Variants in DOCK9 observed in about 807,000 individuals in gnomAD.
DOCK9 encodes the protein dedicator of cytokinesis protein 9.
DOCK9 carries 89 observed loss-of-function variants against 263.3 expected under a neutral mutation model. The observed-to-expected ratio is 0.34, with a 90% CI of 0.28 to 0.40. The LOEUF (loss-of-function observed/expected upper bound fraction) is 0.40, where lower values mean the gene tolerates loss of function less well. DOCK9 is among the 10% of genes least tolerant of loss of function. DOCK9 has a pLI of 1.00. For synonymous variants in DOCK9, 976 were observed against 973.1 expected (o/e 1.00, Z -0.06); for missense variants, 2,140 against 2,603.4 (o/e 0.82, Z 3.87).
At chr13:98,851,614 G>A (rs1420634436) in intron 35 of DOCK9, among the ~76,000 whole-genome samples, 4 of 152,206 alleles carry the variant, frequency 2.6e-5, no homozygotes, top group African/African-American at 9.6e-5. Context: ...GGCACAAGAA[G>A]GACAGCAAGG....
chr13:99,023,979 A>G lies in DOCK9; in HGVS notation c.129+62244T>C, dbSNP rs373077660. Among the ~76,000 whole-genome samples the G allele has an allele frequency of 1.6e-3, 249 of 152,332 alleles. 9 individuals carry two copies. The South Asian group carries it at 0.048, about 30-fold the overall frequency. ...AGCCATGAAACGAATGAACAAATACAATGTACACAGGTCCAACTGACCCCT... is the reference window on the plus strand; with the variant it reads ...AGCCATGAAACGAATGAACAAATACGATGTACACAGGTCCAACTGACCCCT... On this transcript the variant is annotated intron_variant, in intron 1 of 32. Transcript: ENST00000427887.
chr13:98,853,428 A>C lies in DOCK9; in HGVS notation c.3926T>G (p.Ile1309Ser). ...CCTACCATCAGACATGCTCTTTAAGATGTAGAGGAAACACATCAGTAGGCT... is the reference window on the plus strand; with the variant it reads ...CCTACCATCAGACATGCTCTTTAAGCTGTAGAGGAAACACATCAGTAGGCT... ...IKSLLMCFLY[I>S]LKSMSDDALF... Residue 1309 changes from isoleucine to serine, a missense_variant, in exon 35 of 53, where the codon ATC (isoleucine) becomes AGC (serine). Ile to Ser is a moderately radical substitution (Grantham distance 142, BLOSUM62 -2). This residue lies in a region of DOCK9 where 1,521 missense variants were observed against 1,741.7 expected (regional missense o/e 0.87). Coordinates refer to ENST00000682017, the MANE Select transcript of DOCK9 (RefSeq NM_001366683.2). 1.2e-6 allele frequency: 2 copies of C among 1,611,048 alleles called. No homozygotes were observed. Among genetic ancestry groups the C allele is most frequent in the Non-Finnish European group, 1.7e-6 (2 of 1,178,498 alleles).
At chr13:98,927,723 C>A (rs1474478588) in intron 3 of DOCK9, among the ~76,000 whole-genome samples, 5 of 151,780 alleles carry the variant, frequency 3.3e-5, no homozygotes, top group Non-Finnish European at 5.9e-5. Flanking sequence ...CGGGTTCAAG[C>A]GATTCTCCTA....
At position 98,898,108 on chromosome 13, in the gene DOCK9, C is replaced by T; in HGVS notation, c.1586+71G>A. On this transcript the variant is annotated intron_variant, in intron 14 of 52. Coordinates refer to ENST00000682017, the MANE Select transcript of DOCK9 (RefSeq NM_001366683.2). ...ATCCTCTTTGTCTCTGAACAACAAA[C>T]AGAATAGGCCTATTGACCCATCCAT... is the stretch of plus-strand genomic sequence containing the variant. The T allele has an allele frequency of 2.9e-6, 3 of 1,021,252 alleles. No individual in the cohort carries two copies. In the South Asian group the frequency reaches 4.5e-5, roughly 15 times the overall value. The allele number at this position is 1,021,252 out of a possible 1,614,324, so 63.3% of individuals were successfully genotyped here.
intron 1 of DOCK9, among the ~76,000 whole-genome samples, chr13:98,989,270 A>G (rs1879195267): frequency 6.6e-6 from 1 of 151,450 alleles, no homozygotes. Flanking sequence ...GGGTTGCCAA[A>G]CCTAGTTCTG....
chr13:98,984,218 C>A (rs1877922544), intron 1 of DOCK9, among the ~76,000 whole-genome samples: 1 of 152,180 alleles, frequency 6.6e-6, no homozygotes, highest in African/African-American at 2.4e-5. Context: ...TGGTACAAAT[C>A]TCTTCCCATG....
At chr13:99,038,838 C>T (rs1012460552) in intron 1 of DOCK9, among the ~76,000 whole-genome samples, 4 of 152,132 alleles carry the variant, frequency 2.6e-5, no homozygotes, top group African/African-American at 4.8e-5. Flanking sequence ...TGTGGATAAA[C>T]CAAAGTCCTC....
At chr13:98,800,053 G>C (rs772303) in intron 50 of DOCK9, among the ~76,000 whole-genome samples, 119,338 of 152,000 alleles carry the variant, frequency 0.79, 47,254 homozygotes, top group Non-Finnish European at 0.84. Flanking sequence ...TCAGGGTAGT[G>C]TATGAGATCT....
Position 98,904,579 on chromosome 13 carries a change from G to A in DOCK9, c.1035+53C>T, listed in dbSNP as rs2048802260. 3.8e-6 allele frequency: 5 copies of A among 1,321,236 alleles called. No individual in the cohort carries two copies. The Admixed American group carries it at 1.2e-4, about 31-fold the overall frequency. The allele number at this position is 1,321,236 out of a possible 1,614,324, so 81.8% of individuals were successfully genotyped here. A position where few individuals can be genotyped will look rare whatever the true frequency, so the allele number is the denominator to read the frequency against. Reference sequence around the variant, plus strand: ...CAAATAAACAAATAAGCCCATCGATGATTTTCTCTCCCACATTTGGTTTTA... The same window carrying A: ...CAAATAAACAAATAAGCCCATCGATAATTTTCTCTCCCACATTTGGTTTTA... On this transcript the variant is annotated intron_variant, in intron 10 of 52. Transcript: ENST00000682017.
rs910158077 is a variant in DOCK9 at position 99,059,001 on chromosome 13, T to C, written c.129+27222A>G. ...CCCTGACACCTGACCTCCTGGAGGC[T>C]TCTTATCTCTCTGGCCTTGGCCCAG... On this transcript the variant is annotated intron_variant, in intron 1 of 32. Coordinates refer to the DOCK9 transcript ENST00000427887. Among the ~76,000 whole-genome samples the C allele has an allele frequency of 5.9e-5, 9 of 152,148 alleles. No individual in the cohort carries two copies. In the East Asian group the frequency reaches 1.7e-3, roughly 29 times the overall value.
At chr13:98,877,127 G>C (rs1456019118) in intron 27 of DOCK9, among the ~76,000 whole-genome samples, 1 of 152,196 alleles carries the variant, frequency 6.6e-6, no homozygotes, top group Non-Finnish European at 1.5e-5. Flanking sequence ...GGCTGGAAAT[G>C]GCAGCACCTC....
chr13:98,888,937 T>C (rs944137216), intron 15 of DOCK9, among the ~76,000 whole-genome samples: 2 of 152,146 alleles, frequency 1.3e-5, no homozygotes, highest in African/African-American at 2.4e-5. Context: ...ATTTAATCAG[T>C]ATAAAAAATG....
chr13:99,030,286 C>A (rs889967620), intron 1 of DOCK9, among the ~76,000 whole-genome samples: 5 of 152,178 alleles, frequency 3.3e-5, no homozygotes, highest in African/African-American at 1.2e-4. Context: ...TCAAGAAAAT[C>A]TAGTGTCACA....
At chr13:98,806,675 G>A (rs1343891664) in intron 48 of DOCK9, among the ~76,000 whole-genome samples, 6 of 152,160 alleles carry the variant, frequency 3.9e-5, no homozygotes, top group African/African-American at 1.4e-4. Flanking sequence ...TTGGGAGGCC[G>A]AGGCAGGCAG....
At chr13:98,956,877 A>C (rs932605831) in intron 1 of DOCK9, among the ~76,000 whole-genome samples, 5 of 152,260 alleles carry the variant, frequency 3.3e-5, no homozygotes, top group African/African-American at 1.2e-4. Context: ...CAATTTTTAT[A>C]TAAGAAGTAT....
chr13:98,949,536 T>C (rs2057153233), intron 2 of DOCK9, among the ~76,000 whole-genome samples: 1 of 152,232 alleles, frequency 6.6e-6, no homozygotes, highest in South Asian at 2.1e-4. Flanking sequence ...GAATTTTTCC[T>C]TGGAAATGAC....
Position 99,072,286 on chromosome 13 carries a change from T to G in DOCK9, c.129+13937A>C, listed in dbSNP as rs144915317. On this transcript the variant is annotated intron_variant, in intron 1 of 32. Coordinates refer to the DOCK9 transcript ENST00000427887. ...CTACGGTCCCTTCCATAAAGTACAG[T>G]GTGCATTGAGCCTTAAAGGTCCTTA... 9.9e-5 allele frequency among the ~76,000 whole-genome samples: 15 copies of G among 152,260 alleles called. No individual in the cohort carries two copies. In the East Asian group the frequency reaches 2.9e-3, roughly 29 times the overall value.
At chr13:98,830,578 C>T (rs528552037) in intron 41 of DOCK9, among the ~76,000 whole-genome samples, 1 of 152,326 alleles carries the variant, frequency 6.6e-6, no homozygotes, top group East Asian at 1.9e-4. Flanking sequence ...ATGGGTGCTT[C>T]CCCGTAGTTC....
chr13:98,886,232 TG>T (rs748121937), intron 19 of DOCK9, among the ~76,000 whole-genome samples: 3 of 152,194 alleles, frequency 2.0e-5, no homozygotes, highest in Non-Finnish European at 4.4e-5. Context: ...GTCCAACAAA[TG>T]TAACTAAAGT....
Sources: gnomAD v4.1 joint callset for allele counts (sites outside exome capture counted in the v4.1 genomes callset) on GRCh38, gnomAD v4.1.1 for gene constraint, gnomAD v4.1.1 regional missense constraint, MANE v1.5 for transcripts, NCBI Gene and HGNC (gene_info 2026-07-23, HGNC 2026-07-21) for gene names.